Variants in MATN2 observed in about 807,000 individuals in gnomAD.
The protein encoded by MATN2 is matrilin 2, also known as matrilin-2.
Under a neutral mutation model 103.2 loss-of-function variants are expected in MATN2, and 69 were observed. The ratio of observed to expected loss-of-function variants is 0.67; its 90% CI spans 0.55 to 0.82. The LOEUF is 0.82. Among genes scored for constraint, MATN2 ranks in the 40% least tolerant of loss-of-function variants. MATN2 has a pLI of 0.00. For synonymous variants in MATN2, 429 were observed against 450.2 expected (o/e 0.95, Z 0.60); for missense variants, 1,023 against 1,211.5 (o/e 0.84, Z 2.31).
Position 98,007,351 on chromosome 8 carries a change from T to C in MATN2, c.1450+124T>C, listed in dbSNP as rs2130389132. On this transcript the variant is annotated intron_variant, in intron 9 of 18. Transcript: ENST00000254898. This position sits in a 1 kb window ranked among gnomAD's most constrained non-coding sequence, Gnocchi z 4.2. ...CTGCCCCTTGCTCTGCTCCAGGAGA[T>C]AGTGAGGATGTCCACTGGGACTGCA... 6.4e-7 allele frequency: 1 copy of C among 1,550,666 alleles called. No individual in the cohort carries two copies. The highest frequency in any genetic ancestry group is 1.4e-5 in the African/African-American group (1 of 73,980).
chr8:97,968,512 C>T (rs1181218563), intron 5 of MATN2, among the ~76,000 whole-genome samples: 1 of 152,178 alleles, frequency 6.6e-6, no homozygotes, highest in African/African-American at 2.4e-5. Flanking sequence ...GGCTTGAATG[C>T]TTTGCTGTTT....
At chr8:97,997,256 C>G (rs1238238051) in intron 7 of MATN2, among the ~76,000 whole-genome samples, 1 of 152,198 alleles carries the variant, frequency 6.6e-6, no homozygotes, top group Non-Finnish European at 1.5e-5. Context: ...TTCGACTGAG[C>G]CAAGAGACGT....
At chr8:97,901,806 A>T (rs561422274) in intron 2 of MATN2, among the ~76,000 whole-genome samples, 5 of 152,158 alleles carry the variant, frequency 3.3e-5, no homozygotes, top group Non-Finnish European at 2.9e-5. Flanking sequence ...TCACTCATAA[A>T]ACCATCTGGG....
intron 4 of MATN2, among the ~76,000 whole-genome samples, chr8:97,958,599 A>G (rs554813866): frequency 6.6e-6 from 1 of 152,386 alleles, no homozygotes; most frequent in South Asian, 2.1e-4. Flanking sequence ...TCTCATCACC[A>G]TTCAGGCAAC....
At chr8:98,019,025 T>C (rs1434816328) in intron 12 of MATN2, among the ~76,000 whole-genome samples, 1 of 149,432 alleles carries the variant, frequency 6.7e-6, no homozygotes, top group Non-Finnish European at 1.5e-5. Context: ...TTCTATTATA[T>C]ATAAATATAA....
chr8:97,992,929 A>G (rs1317308860), intron 6 of MATN2, among the ~76,000 whole-genome samples: 2 of 33,038 alleles, frequency 6.1e-5, no homozygotes, highest in Non-Finnish European at 1.3e-4. Flanking sequence ...CAAAACAAAC[A>G]ATAATAATAA....
At position 98,007,552 on chromosome 8, in the gene MATN2, T is replaced by C. The variant is rs1376670502; in HGVS notation, c.1524T>C (p.Cys508=). Residue 508 remains cysteine, a synonymous_variant, in exon 10 of 19, where the codon TGT becomes TGC. Coordinates refer to ENST00000254898, the MANE Select transcript of MATN2 (RefSeq NM_002380.5). This position sits in a 1 kb window ranked among gnomAD's most constrained non-coding sequence, Gnocchi z 4.2. ...SCVNMDRSFA[C]QCPEGHVLRS... ...TCAACATGGACAGATCCTTTGCCTG[T>C]CAGTGTCCTGAGGGACACGTGCTCC... 1 of 1,613,556 alleles carries C rather than the reference T, an allele frequency of 6.2e-7. No homozygotes were observed. Among genetic ancestry groups the C allele is most frequent in the Non-Finnish European group, 8.5e-7 (1 of 1,179,508 alleles).
chr8:97,887,632 G>A (rs1272834617), intron 1 of MATN2, among the ~76,000 whole-genome samples: 1 of 152,170 alleles, frequency 6.6e-6, no homozygotes. Context: ...AACTACACAT[G>A]AATTTTATAT....
chr8:98,017,950 A>G, intron 11 of MATN2, 44 bp from the exon 12 acceptor site: 1 of 1,606,912 alleles, frequency 6.2e-7, no homozygotes, highest in East Asian at 2.2e-5. Flanking sequence ...TCCATGTGAA[A>G]TGTATGTTGT....
intron 2 of MATN2, among the ~76,000 whole-genome samples, chr8:97,891,823 C>T (rs752950220): frequency 6.6e-6 from 1 of 152,050 alleles, no homozygotes; most frequent in Non-Finnish European, 1.5e-5. Context: ...ATTTTCTGGC[C>T]AGGTGCAGTG....
rs184343501 is a variant in MATN2 at position 97,938,414 on chromosome 8, T to C, written c.713-3363T>C. Among the ~76,000 whole-genome samples the C allele has an allele frequency of 1.4e-3, 213 of 152,324 alleles. 1 individual carries two copies. Among genetic ancestry groups the C allele is most frequent in the Non-Finnish European group, 2.5e-3 (172 of 68,026 alleles). The stretch of plus-strand genomic sequence containing the variant: ...ATCGTTAGGACCATCGTTGCTGACA[T>C]GAGCTGTCTTGGAAGGCAATCAGGC... On this transcript the variant is annotated intron_variant, in intron 3 of 18. Coordinates refer to ENST00000254898, the MANE Select transcript of MATN2 (RefSeq NM_002380.5).
At position 98,027,601 on chromosome 8, in the gene MATN2, A is replaced by G. The variant is rs544734577; in HGVS notation, c.2128A>G (p.Arg710Gly). 1.4e-4 allele frequency: 231 copies of G among 1,613,810 alleles called. 1 individual carries two copies. The South Asian group carries it at 2.4e-3, about 17-fold the overall frequency. The change falls in exon 14 of 19, where the codon AGA becomes GGA. Residue 710 changes from arginine (R) to glycine (G), a missense_variant. Transcript: ENST00000254898. ...STQVHTEFTL[R>G]NFNSAKDMKK... is the part of the protein sequence containing the mutation. ...ACAGGTCCACACAGAGTTCACTCTG[A>G]GAAACTTCAACTCAGCCAAAGACAT... is the stretch of plus-strand genomic sequence containing the variant.
Position 98,027,620 on chromosome 8 carries a change from A to G in MATN2, c.2147A>G (p.Lys716Arg). The G allele has an allele frequency of 6.2e-7, 1 of 1,613,736 alleles. No individual in the cohort carries two copies. The highest frequency in any genetic ancestry group is 8.5e-7 in the Non-Finnish European group (1 of 1,179,768). The change falls in exon 14 of 19, where the codon AAA (lysine) becomes AGA (arginine). Residue 716 changes from lysine to arginine, a missense_variant. Coordinates refer to ENST00000254898, the MANE Select transcript of MATN2 (RefSeq NM_002380.5). Reference protein sequence around the residue: ...EFTLRNFNSAKDMKKAVAHMK... With the variant: ...EFTLRNFNSARDMKKAVAHMK... ...ACTCTGAGAAACTTCAACTCAGCCAAAGACATGAAAAAAGCCGTGGCCCAC... is the reference window on the plus strand; with the variant it reads ...ACTCTGAGAAACTTCAACTCAGCCAGAGACATGAAAAAAGCCGTGGCCCAC...
chr8:97,875,275 T>C (rs1192112244), intron 1 of MATN2, among the ~76,000 whole-genome samples: 1 of 152,168 alleles, frequency 6.6e-6, no homozygotes, highest in African/African-American at 2.4e-5. Context: ...TTCCAGAATG[T>C]GCACAATGGC....
chr8:97,972,857 G>A (rs925782062), intron 5 of MATN2, among the ~76,000 whole-genome samples: 1 of 152,210 alleles, frequency 6.6e-6, no homozygotes, highest in African/African-American at 2.4e-5. Context: ...CAAGAATGTA[G>A]ACATTTTAGG....
rs73698698 is a variant in MATN2, at chr8:97,941,697, A to T, written c.713-80A>T. ...GTCCTGCCCAGAGGAGAGAGTAGGC[A>T]CTGAATAAATGCTTGCTGGCTGGAA... On this transcript the variant is annotated intron_variant, in intron 3 of 18. Transcript: ENST00000254898. 3,334 of 1,480,754 alleles carry T rather than the reference A, an allele frequency of 2.3e-3. 65 individuals carry two copies. The African/African-American group carries it at 0.041, about 18-fold the overall frequency. The allele number at this position is 1,480,754 out of a possible 1,614,324, so 91.7% of individuals were successfully genotyped here.
chr8:97,941,659 C>T (rs1810572511), intron 3 of MATN2, 118 bp from the exon 4 acceptor site: 1 of 1,186,094 alleles, frequency 8.4e-7, no homozygotes, highest in Non-Finnish European at 1.2e-6. Flanking sequence ...GGGACTGCAG[C>T]TTATTTCTCT....
chr8:97,971,547 A>G (rs1811655392), intron 5 of MATN2, among the ~76,000 whole-genome samples: 1 of 152,194 alleles, frequency 6.6e-6, no homozygotes, highest in African/African-American at 2.4e-5. Flanking sequence ...TGAATTTATA[A>G]TTCATCAGCT....
chr8:97,884,136 C>CTTTTTTTTT (rs1260384394), intron 1 of MATN2, among the ~76,000 whole-genome samples: 1 of 139,598 alleles, frequency 7.2e-6, no homozygotes, highest in Non-Finnish European at 1.6e-5. Context: ...TCTTTTTTTT[C>CTTTTTTTTT]TTTTTTTTTT....
Sources: allele counts gnomAD v4.1 joint callset (sites outside exome capture counted in the v4.1 genomes callset), GRCh38; gene constraint gnomAD v4.1.1; non-coding constraint Gnocchi (gnomAD v3.1); transcripts MANE v1.5; gene names NCBI Gene and HGNC (gene_info 2026-07-23, HGNC 2026-07-21).